The following GNAZ variants were observed in gnomAD, a reference collection of about 807,000 sequenced individuals.
GNAZ encodes the protein guanine nucleotide-binding protein G(z) subunit alpha.
In GNAZ, 3 loss-of-function variants were observed where a neutral mutation model predicts 25.4. That is an observed-to-expected ratio of 0.12 (90% CI 0.05 to 0.30). The LOEUF is 0.30. Ranked by LOEUF, GNAZ falls within the 10% of genes least tolerant of loss-of-function variation. The pLI is 1.00. For missense variants in GNAZ, 241 were observed against 501.8 expected (o/e 0.48, Z 4.97); for synonymous variants, 211 against 205.7 (o/e 1.03, Z -0.22).
intron 2 of GNAZ, among the ~76,000 whole-genome samples, chr22:23,117,083 G>A (rs149323071): frequency 6.6e-6 from 1 of 152,190 alleles, no homozygotes; most frequent in East Asian, 1.9e-4. Flanking sequence ...GTCCCATCCA[G>A]CTGGGATGCA....
intron 2 of GNAZ, among the ~76,000 whole-genome samples, chr22:23,102,615 G>A (rs949510546): frequency 6.6e-5 from 10 of 152,240 alleles, no homozygotes; most frequent in Admixed American, 2.0e-4. Flanking sequence ...CCCCACACCT[G>A]CTCTGCCTGC....
At chr22:23,076,978 T>C (rs1469844392) in intron 1 of GNAZ, among the ~76,000 whole-genome samples, 1 of 152,182 alleles carries the variant, frequency 6.6e-6, no homozygotes, top group Non-Finnish European at 1.5e-5. Context: ...CTGGGTCAAG[T>C]GTACAGATAG....
chr22:23,113,884 A>AC (rs1477493872), intron 2 of GNAZ, among the ~76,000 whole-genome samples: 6 of 152,092 alleles, frequency 3.9e-5, no homozygotes, highest in Non-Finnish European at 5.9e-5. Flanking sequence ...AAGGGCAGGC[A>AC]CCCGCTACCG....
At chr22:23,095,091 AGC>A (rs2069086321) in intron 1 of GNAZ, among the ~76,000 whole-genome samples, 154 bp from the exon 2 acceptor site, 4 of 152,216 alleles carry the variant, frequency 2.6e-5, no homozygotes, top group Admixed American at 2.6e-4. Context: ...TGGGCCCTAC[AGC>A]GCCCCATGGA....
At chr22:23,093,988 T>A (rs2069056208) in intron 1 of GNAZ, among the ~76,000 whole-genome samples, 1 of 152,176 alleles carries the variant, frequency 6.6e-6, no homozygotes, top group South Asian at 2.1e-4. Context: ...CACGGATGGC[T>A]GCTGGGAGGA....
chr22:23,073,734 T>G (rs1263760956), intron 1 of GNAZ, among the ~76,000 whole-genome samples: 1 of 152,140 alleles, frequency 6.6e-6, no homozygotes. Context: ...CCTCACGCGA[T>G]TCATCCATTC....
At chr22:23,073,351 G>A (rs1357293270) in intron 1 of GNAZ, among the ~76,000 whole-genome samples, 1 of 152,260 alleles carries the variant, frequency 6.6e-6, no homozygotes, top group African/African-American at 2.4e-5. Context: ...GCCCCAGGCA[G>A]AATCCCAGAG....
At chr22:23,114,703 T>C (rs1041528511) in intron 2 of GNAZ, among the ~76,000 whole-genome samples, 39 of 152,270 alleles carry the variant, frequency 2.6e-4, no homozygotes, top group African/African-American at 9.1e-4. Context: ...TCTGTGTGTG[T>C]GTGGTTATTT....
chr22:23,087,129 T>C (rs1413838125), intron 1 of GNAZ, among the ~76,000 whole-genome samples: 1 of 152,156 alleles, frequency 6.6e-6, no homozygotes. Context: ...TGGGAGCTGA[T>C]GTAGGGACGG....
chr22:23,083,055 A>T (rs2068724451), intron 1 of GNAZ, among the ~76,000 whole-genome samples: 1 of 152,028 alleles, frequency 6.6e-6, no homozygotes. Flanking sequence ...TGGGAGAGTG[A>T]AGGAGGAGGG....
intron 2 of GNAZ, 89 bp downstream of exon 2, chr22:23,096,507 C>T (rs1191655629): frequency 2.2e-6 from 3 of 1,372,076 alleles, no homozygotes; most frequent in Non-Finnish European, 3.0e-6. Flanking sequence ...GGACAGTCTG[C>T]AGCCAGAAAG....
chr22:23,072,690 C>T (rs2068409739), intron 1 of GNAZ, among the ~76,000 whole-genome samples: 1 of 152,236 alleles, frequency 6.6e-6, no homozygotes, highest in African/African-American at 2.4e-5. Flanking sequence ...GGGTGAGCTG[C>T]TGTGCTCTGT....
At position 23,123,301 on chromosome 22, in the gene GNAZ, G is replaced by A. The variant is rs762641601; in HGVS notation, c.938G>A (p.Arg313His). The change falls in exon 3 of 3, where the codon CGC becomes CAC. Residue 313 changes from arginine to histidine, a missense_variant. Transcript: ENST00000615612. ...YIQRQFEDLN[R>H]NKETKEIYSH... Reference sequence around the variant, plus strand: ...CAGCGGCAGTTTGAAGACCTGAACCGCAACAAGGAGACCAAGGAGATCTAC... The same window carrying A: ...CAGCGGCAGTTTGAAGACCTGAACCACAACAAGGAGACCAAGGAGATCTAC... The A allele has an allele frequency of 1.4e-5, 23 of 1,613,224 alleles. No individual in the cohort carries two copies. Among genetic ancestry groups the A allele is most frequent in the Admixed American group, 8.3e-5 (5 of 59,972 alleles).
Position 23,095,679 on chromosome 22 carries a change from C to T in GNAZ, c.-17C>T, listed in dbSNP as rs1328707449. 4 of 1,588,510 alleles carry T rather than the reference C, an allele frequency of 2.5e-6. No individual in the cohort carries two copies. Among genetic ancestry groups the T allele is most frequent in the Admixed American group, 1.7e-5 (1 of 57,292 alleles). ...CCCCATCCCGTGCTCCTTGTCTGGGCCCGCTGCTGCCAGACCATGGGATGT... is the reference window on the plus strand; with the variant it reads ...CCCCATCCCGTGCTCCTTGTCTGGGTCCGCTGCTGCCAGACCATGGGATGT... On this transcript the variant is annotated 5_prime_UTR_variant, in exon 2 of 3. Transcript: ENST00000615612.
At chr22:23,118,467 T>TCCCCCCCCCCC in intron 2 of GNAZ, among the ~76,000 whole-genome samples, 2 of 150,898 alleles carry the variant, frequency 1.3e-5, no homozygotes, top group African/African-American at 4.8e-5. Flanking sequence ...GCCTCCCTCT[T>TCCCCCCCCCCC]CCCCGCCCCG....
chr22:23,080,563 G>A (rs1159448489), intron 1 of GNAZ, among the ~76,000 whole-genome samples: 3 of 152,222 alleles, frequency 2.0e-5, no homozygotes, highest in Non-Finnish European at 4.4e-5. Context: ...CTGTTTCTAA[G>A]GTGAGACCCG....
At chr22:23,108,155 C>G (rs1423774341) in intron 2 of GNAZ, among the ~76,000 whole-genome samples, 3 of 152,242 alleles carry the variant, frequency 2.0e-5, no homozygotes, top group African/African-American at 7.2e-5. Context: ...CCAGGCAATC[C>G]CAACCCCTGC....
chr22:23,120,290 G>A (rs1232762412), intron 2 of GNAZ, among the ~76,000 whole-genome samples: 1 of 152,176 alleles, frequency 6.6e-6, no homozygotes, highest in Non-Finnish European at 1.5e-5. Context: ...CTCACCCCAG[G>A]ACTCACGGGG....
At chr22:23,091,641 C>T (rs2068982921) in intron 1 of GNAZ, among the ~76,000 whole-genome samples, 1 of 151,896 alleles carries the variant, frequency 6.6e-6, no homozygotes, top group Admixed American at 6.6e-5. Flanking sequence ...CCTGCATACA[C>T]ACTGGCACCT....
Sources: gnomAD v4.1 joint callset for allele counts (sites outside exome capture counted in the v4.1 genomes callset) on GRCh38, gnomAD v4.1.1 for gene constraint, MANE v1.5 for transcripts, NCBI Gene and HGNC (gene_info 2026-07-23, HGNC 2026-07-21) for gene names.